Variants in ANO3 observed in about 807,000 individuals in gnomAD.
The protein encoded by ANO3 is anoctamin 3.
A neutral mutation model predicts 144.8 loss-of-function variants in ANO3; 99 were observed. The observed-to-expected ratio is 0.68, with a 90% confidence interval of 0.58 to 0.81. The LOEUF is 0.81. ANO3 is among the 30% of genes least tolerant of loss of function. The probability of loss-of-function intolerance (pLI) is 0.00; values close to 1 mark genes in which losing one functional copy is unlikely to be tolerated. For synonymous variants in ANO3, 414 were observed against 392.6 expected, an observed-to-expected ratio of 1.05 and a Z score of -0.64; for missense variants, 905 against 1,202.2, an observed-to-expected ratio of 0.75 and a Z score of 3.66.
At chr11:26,207,524 C>T (rs2133778048) in intron 1 of ANO3, among the ~76,000 whole-genome samples, 1 of 152,144 alleles carries the variant, frequency 6.6e-6, no homozygotes, top group East Asian at 1.9e-4. Flanking sequence ...AATAATTACT[C>T]ATTAAGTACT....
chr11:26,450,984 T>C (rs946376329), intron 3 of ANO3, among the ~76,000 whole-genome samples: 7 of 152,216 alleles, frequency 4.6e-5, no homozygotes, highest in African/African-American at 1.7e-4. Context: ...CCTTTAAGTT[T>C]TGAACTGATG....
intron 4 of ANO3, among the ~76,000 whole-genome samples, chr11:26,468,481 G>A (rs1051371686): frequency 1.2e-4 from 18 of 152,074 alleles, no homozygotes; most frequent in African/African-American, 4.3e-4. Context: ...CATTCACTTT[G>A]TGTCAACTGG....
At chr11:26,391,363 A>C (rs1279688593) in intron 1 of ANO3, among the ~76,000 whole-genome samples, 1 of 152,096 alleles carries the variant, frequency 6.6e-6, no homozygotes, top group Non-Finnish European at 1.5e-5. Context: ...AAATGAATTA[A>C]TCCATTCATG....
intron 4 of ANO3, chr11:26,474,200 C>A: frequency 1.6e-6 from 1 of 640,920 alleles, no homozygotes; most frequent in Non-Finnish European, 1.9e-6. Context: ...TGTAGAGAAG[C>A]CAATTGAGAG....
intron 1 of ANO3, among the ~76,000 whole-genome samples, chr11:26,432,512 T>A (rs537720735): frequency 9.2e-5 from 14 of 152,354 alleles, no homozygotes; most frequent in African/African-American, 3.4e-4. Flanking sequence ...CTAGGTCGTC[T>A]TTCAGGGTTT....
At chr11:26,370,215 G>A (rs1247523576) in intron 1 of ANO3, among the ~76,000 whole-genome samples, 1 of 152,144 alleles carries the variant, frequency 6.6e-6, no homozygotes. Context: ...CTATTCTCCT[G>A]ATAGTAAGTT....
intron 1 of ANO3, among the ~76,000 whole-genome samples, chr11:26,430,505 G>T (rs191248946): frequency 2.3e-4 from 35 of 152,116 alleles, no homozygotes; most frequent in Non-Finnish European, 4.7e-4. Context: ...CTGTCAGGAA[G>T]ATTATTTATA....
At chr11:26,203,955 C>T (rs1256467168) in intron 1 of ANO3, among the ~76,000 whole-genome samples, 2 of 152,256 alleles carry the variant, frequency 1.3e-5, no homozygotes, top group African/African-American at 2.4e-5. Flanking sequence ...CACTCTTTCT[C>T]TCACAGTTTT....
At chr11:26,351,467 C>T (rs1855644182) in intron 1 of ANO3, among the ~76,000 whole-genome samples, 1 of 152,052 alleles carries the variant, frequency 6.6e-6, no homozygotes, top group Admixed American at 6.5e-5. Flanking sequence ...TTTTACTCTT[C>T]TGCAACTTTC....
intron 11 of ANO3, among the ~76,000 whole-genome samples, chr11:26,544,036 T>G (rs1360609041): frequency 2.0e-5 from 3 of 151,522 alleles, no homozygotes; most frequent in Non-Finnish European, 4.4e-5. Flanking sequence ...GGGAGAATTA[T>G]TTTAGATATT....
Position 26,525,736 on chromosome 11 carries a change from G to T in ANO3, c.737+57G>T. 3.7e-6 allele frequency: 5 copies of T among 1,345,292 alleles called. No individual in the cohort carries two copies. In the South Asian group the frequency reaches 5.3e-5, roughly 14 times the overall value. The allele number at this position is 1,345,292 out of a possible 1,614,324, so 83.3% of individuals were successfully genotyped here. A position where few individuals can be genotyped will look rare whatever the true frequency, so the allele number is the denominator to read the frequency against. ...AAATTTGTCGTTTTGAAAAAAATAA[G>T]AAGATATTTGATTCCCCATATCAGC... On this transcript the variant is annotated intron_variant, in intron 7 of 26. Coordinates refer to ENST00000256737, the MANE Select transcript of ANO3 (RefSeq NM_031418.4).
chr11:26,345,394 A>C (rs1033459835), intron 1 of ANO3, among the ~76,000 whole-genome samples: 15 of 152,126 alleles, frequency 9.9e-5, no homozygotes, highest in African/African-American at 3.6e-4. Flanking sequence ...ATCTCTACTA[A>C]AAATAAAAAA....
intron 5 of ANO3, among the ~76,000 whole-genome samples, chr11:26,512,084 A>G (rs1861686004): frequency 6.6e-6 from 1 of 152,212 alleles, no homozygotes; most frequent in South Asian, 2.1e-4. Flanking sequence ...TGAAAAGAAC[A>G]TAGATTTGAA....
At chr11:26,526,698 G>GA (rs1849171909) in intron 7 of ANO3, among the ~76,000 whole-genome samples, 4 of 151,986 alleles carry the variant, frequency 2.6e-5, no homozygotes, top group Admixed American at 2.6e-4. Context: ...AAATTATGGA[G>GA]AAAAAAACTT....
intron 24 of ANO3, 50 bp downstream of exon 24, chr11:26,647,906 A>G: frequency 2.6e-6 from 4 of 1,542,454 alleles, no homozygotes; most frequent in Non-Finnish European, 3.5e-6. Context: ...ATTTGTAATT[A>G]AAATAGGATC....
At chr11:26,468,477 C>T (rs1859675772) in intron 4 of ANO3, among the ~76,000 whole-genome samples, 1 of 151,974 alleles carries the variant, frequency 6.6e-6, no homozygotes, top group Admixed American at 6.6e-5. Context: ...AGGCCATTCA[C>T]TTTGTGTCAA....
chr11:26,648,271 T>C (rs1317670926), intron 24 of ANO3, among the ~76,000 whole-genome samples: 1 of 152,082 alleles, frequency 6.6e-6, no homozygotes, highest in Non-Finnish European at 1.5e-5. Flanking sequence ...GAAGCAGAAC[T>C]TGAAGGAACT....
chr11:26,218,037 G>A (rs1464247815), intron 1 of ANO3, among the ~76,000 whole-genome samples: 1 of 152,072 alleles, frequency 6.6e-6, no homozygotes, highest in African/African-American at 2.4e-5. Context: ...AATATTATAA[G>A]GAACTCCTAC....
chr11:26,366,068 A>C (rs1282781366), intron 1 of ANO3, among the ~76,000 whole-genome samples: 1 of 150,232 alleles, frequency 6.7e-6, no homozygotes, highest in African/African-American at 2.5e-5. Flanking sequence ...ATATGTATAC[A>C]TGTGCCTTGT....
Sources: gnomAD v4.1 joint callset for allele counts (sites outside exome capture counted in the v4.1 genomes callset) on GRCh38, gnomAD v4.1.1 for gene constraint, MANE v1.5 for transcripts, NCBI Gene and HGNC (gene_info 2026-07-23, HGNC 2026-07-21) for gene names.